NPAS3: variants seen among roughly 807,000 people sequenced by gnomAD.
NPAS3 encodes the protein neuronal PAS domain protein 3, also known as neuronal PAS domain-containing protein 3.
A neutral mutation model predicts 73.1 loss-of-function variants in NPAS3; 14 were observed. That is an observed-to-expected ratio of 0.19 (90% CI 0.13 to 0.30). The LOEUF is 0.30. Among genes scored for constraint, NPAS3 ranks in the 10% least tolerant of loss-of-function variants. The pLI is 1.00. For missense variants in NPAS3, 1,096 were observed against 1,250.0 expected (o/e 0.88, Z 1.86); for synonymous variants, 620 against 541.5 (o/e 1.14, Z -2.01).
At chr14:33,711,597 C>G (rs1445893036) in intron 6 of NPAS3, among the ~76,000 whole-genome samples, 1 of 152,166 alleles carries the variant, frequency 6.6e-6, no homozygotes, top group African/African-American at 2.4e-5. Context: ...AGGATACTTA[C>G]AGTTGATTTA....
intron 9 of NPAS3, among the ~76,000 whole-genome samples, chr14:33,793,651 G>A (rs8006151): frequency 0.039 from 5,872 of 152,194 alleles, 401 homozygotes; most frequent in African/African-American, 0.13. Context: ...TTCACACCAT[G>A]GCTGCCCAAA....
chr14:33,562,129 T>G (rs1181931603), intron 5 of NPAS3, among the ~76,000 whole-genome samples: 5 of 152,242 alleles, frequency 3.3e-5, no homozygotes, highest in Non-Finnish European at 7.3e-5. Context: ...TGCGGCCATC[T>G]GAAATATCAT....
chr14:33,796,455 G>GA (rs1280163613), intron 10 of NPAS3, among the ~76,000 whole-genome samples: 2 of 152,168 alleles, frequency 1.3e-5, no homozygotes, highest in African/African-American at 2.4e-5. Flanking sequence ...CCCCTCCCAG[G>GA]AACATTTGCA....
At chr14:33,199,940 AC>A (rs2046551100) in intron 2 of NPAS3, among the ~76,000 whole-genome samples, 2 of 152,264 alleles carry the variant, frequency 1.3e-5, no homozygotes, top group East Asian at 3.9e-4. Flanking sequence ...TTGTCTCTCA[AC>A]ATTATTGCAC....
chr14:33,695,827 T>A (rs1392873738), intron 6 of NPAS3, among the ~76,000 whole-genome samples: 1 of 152,180 alleles, frequency 6.6e-6, no homozygotes, highest in Non-Finnish European at 1.5e-5. Flanking sequence ...CAAAATGACC[T>A]AAAACTTTAG....
intron 3 of NPAS3, among the ~76,000 whole-genome samples, chr14:33,239,138 G>A (rs1566712407): frequency 6.6e-6 from 1 of 151,840 alleles, no homozygotes. Context: ...GTTCTCCTGG[G>A]GGTCTGAGGG....
chr14:33,273,064 C>T (rs1316997291), intron 3 of NPAS3, among the ~76,000 whole-genome samples: 15 of 152,238 alleles, frequency 9.9e-5, no homozygotes, highest in South Asian at 6.2e-4. Flanking sequence ...TGGTCCCTGA[C>T]GGTCCATGTG....
chr14:33,640,698 T>TG (rs2058652676), intron 5 of NPAS3, among the ~76,000 whole-genome samples: 2 of 152,136 alleles, frequency 1.3e-5, no homozygotes, highest in African/African-American at 4.8e-5. Context: ...CCAGAAACTT[T>TG]GGGGAAATGG....
exon 8 of NPAS3, chr14:33,774,476 A>C (rs769202642): frequency 1.9e-6 from 3 of 1,614,234 alleles, no homozygotes; most frequent in Admixed American, 3.3e-5. Flanking sequence ...ATTGACTGCC[A>C]TATGTTCGTC....
At chr14:33,747,658 A>G (rs1382913602) in intron 7 of NPAS3, among the ~76,000 whole-genome samples, 1 of 152,232 alleles carries the variant, frequency 6.6e-6, no homozygotes, top group Non-Finnish European at 1.5e-5. Flanking sequence ...TTGAACTACC[A>G]GTGAGCAATG....
Position 33,541,400 on chromosome 14 carries a change from G to C in NPAS3, c.469-18721G>C, listed in dbSNP as rs575351348. ...TGTGTTCACCAACAGAGTAAATGCCGCTTAAAGCTGTCATATTGGCAAGAG... is the reference window on the plus strand; with the variant it reads ...TGTGTTCACCAACAGAGTAAATGCCCCTTAAAGCTGTCATATTGGCAAGAG... On this transcript the variant is annotated intron_variant, in intron 4 of 11. Transcript: ENST00000356141. Among the ~76,000 whole-genome samples, 6 of 152,210 alleles carry C rather than the reference G, an allele frequency of 3.9e-5. No individual in the cohort carries two copies. The East Asian group carries it at 1.2e-3, about 29-fold the overall frequency.
intron 3 of NPAS3, among the ~76,000 whole-genome samples, chr14:33,362,148 C>G (rs2045632884): frequency 6.6e-6 from 1 of 152,156 alleles, no homozygotes; most frequent in Non-Finnish European, 1.5e-5. Context: ...ATGGGTTAAG[C>G]TGGTACCCAG....
intron 1 of NPAS3, among the ~76,000 whole-genome samples, chr14:33,038,064 C>A (rs1263474495): frequency 6.6e-6 from 1 of 152,164 alleles, no homozygotes; most frequent in African/African-American, 2.4e-5. Flanking sequence ...TTCCTCTTTT[C>A]TGTTTGAACA....
At chr14:33,097,135 T>C (rs898367511) in intron 2 of NPAS3, among the ~76,000 whole-genome samples, 10 of 152,000 alleles carry the variant, frequency 6.6e-5, no homozygotes, top group Admixed American at 1.3e-4. Context: ...CCCAGCACTT[T>C]GAGAGGCCAA....
At chr14:33,603,842 T>A (rs2057472914) in intron 5 of NPAS3, among the ~76,000 whole-genome samples, 1 of 152,078 alleles carries the variant, frequency 6.6e-6, no homozygotes, top group Admixed American at 6.6e-5. Flanking sequence ...GAACACAGTG[T>A]GGGATTTGCA....
chr14:33,059,360 C>T (rs2041006782), intron 2 of NPAS3, among the ~76,000 whole-genome samples: 1 of 152,126 alleles, frequency 6.6e-6, no homozygotes, highest in South Asian at 2.1e-4. Context: ...TTTAAAACGT[C>T]TATAATTAGT....
At chr14:33,113,331 T>G (rs2042956952) in intron 2 of NPAS3, among the ~76,000 whole-genome samples, 1 of 152,206 alleles carries the variant, frequency 6.6e-6, no homozygotes, top group African/African-American at 2.4e-5. Context: ...GTTTGTGTCC[T>G]CTTTTATTTC....
intron 4 of NPAS3, among the ~76,000 whole-genome samples, chr14:33,523,057 TC>T (rs921685841): frequency 2.0e-5 from 3 of 152,110 alleles, no homozygotes; most frequent in Admixed American, 6.5e-5. Flanking sequence ...CACACTCTTC[TC>T]AGCACTCTAA....
chr14:33,373,914 C>G (rs570225889), intron 4 of NPAS3, among the ~76,000 whole-genome samples: 253 of 152,164 alleles, frequency 1.7e-3, no homozygotes, highest in Non-Finnish European at 2.8e-3. Context: ...AGGCTAGGTA[C>G]GATGGTTGTA....
Sources: gnomAD v4.1 joint callset for allele counts (sites outside exome capture counted in the v4.1 genomes callset) on GRCh38, gnomAD v4.1.1 for gene constraint, MANE v1.5 for transcripts, NCBI Gene and HGNC (gene_info 2026-07-23, HGNC 2026-07-21) for gene names.